Variants in OSBPL5 observed in about 807,000 individuals in gnomAD.
The protein encoded by OSBPL5 is oxysterol-binding protein-related protein 5.
Under a neutral mutation model 111.2 loss-of-function variants are expected in OSBPL5, and 71 were observed. The ratio of observed to expected loss-of-function variants is 0.64; its 90% confidence interval spans 0.53 to 0.78. The LOEUF (loss-of-function observed/expected upper bound fraction) is 0.78, where lower values mean the gene tolerates loss of function less well. Among genes scored for constraint, OSBPL5 ranks in the 30% least tolerant of loss-of-function variants. The probability of loss-of-function intolerance (pLI) is 0.00; values close to 1 mark genes in which losing one functional copy is unlikely to be tolerated. For missense variants in OSBPL5, 1,210 were observed against 1,189.3 expected, an observed-to-expected ratio of 1.02 and a Z score of -0.26; for synonymous variants, 549 against 513.9, an observed-to-expected ratio of 1.07 and a Z score of -0.93.
Position 3,092,409 on chromosome 11 carries a change from G to C in OSBPL5, c.2259+23C>G, listed in dbSNP as rs1857092179. The C allele has an allele frequency of 1.3e-6, 2 of 1,562,244 alleles. No individual in the cohort carries two copies. Among genetic ancestry groups the C allele is most frequent in the South Asian group, 1.2e-5 (1 of 85,156 alleles). On this transcript the variant is annotated intron_variant, in intron 19 of 21. Coordinates refer to ENST00000263650, the MANE Select transcript of OSBPL5 (RefSeq NM_020896.4). This position sits in a 1 kb window ranked among gnomAD's most constrained non-coding sequence, Gnocchi z 5.4. ...ACACGTGCAGCTAAGACCAGCCCTGGGTGGGGCCTGTGGGGTGCTGACCTC... is the reference window on the plus strand; with the variant it reads ...ACACGTGCAGCTAAGACCAGCCCTGCGTGGGGCCTGTGGGGTGCTGACCTC...
At chr11:3,091,417 G>A (rs1857051001) in intron 19 of OSBPL5, among the ~76,000 whole-genome samples, 1 of 152,302 alleles carries the variant, frequency 6.6e-6, no homozygotes, top group South Asian at 2.1e-4. Flanking sequence ...GGCGGGGCAG[G>A]TGGGTTTGGC....
chr11:3,091,668 G>A (rs1342540702), intron 19 of OSBPL5, among the ~76,000 whole-genome samples: 1 of 152,156 alleles, frequency 6.6e-6, no homozygotes, highest in African/African-American at 2.4e-5. Context: ...GGGTGCATCT[G>A]TCTACCTTCC....
At chr11:3,094,367 C>T in intron 14 of OSBPL5, 33 bp from the exon 15 acceptor site, 2 of 1,587,584 alleles carry the variant, frequency 1.3e-6, no homozygotes, top group Non-Finnish European at 1.7e-6. Context: ...GGCCAGGCGG[C>T]CCCAGCCCTG....
At position 3,103,093 on chromosome 11, in the gene OSBPL5, G is replaced by T; in HGVS notation, c.1326+146C>A. Reference sequence around the variant, plus strand: ...CCCTGTCCCCCATCACCAAGGACCTGGGCCCTCTGTGGGGGTGACCAGGAT... The same window carrying T: ...CCCTGTCCCCCATCACCAAGGACCTTGGCCCTCTGTGGGGGTGACCAGGAT... On this transcript the variant is annotated intron_variant, in intron 11 of 21. Coordinates refer to ENST00000263650, the MANE Select transcript of OSBPL5 (RefSeq NM_020896.4). 3 of 648,210 alleles carry T rather than the reference G, an allele frequency of 4.6e-6. No homozygotes were observed. In the South Asian group the frequency reaches 6.6e-5, roughly 14 times the overall value. The allele number at this position is 648,210 out of a possible 1,614,324, so 40.2% of individuals were successfully genotyped here. A position where few individuals can be genotyped will look rare whatever the true frequency, so the allele number is the denominator to read the frequency against.
chr11:3,151,369 G>C (rs1265676736), intron 1 of OSBPL5, among the ~76,000 whole-genome samples: 1 of 152,134 alleles, frequency 6.6e-6, no homozygotes, highest in Non-Finnish European at 1.5e-5. Flanking sequence ...AGCAGGGAAG[G>C]GCCTGGCCAA....
chr11:3,139,354 G>A (rs1211766897), intron 1 of OSBPL5, among the ~76,000 whole-genome samples: 1 of 152,210 alleles, frequency 6.6e-6, no homozygotes, highest in African/African-American at 2.4e-5. Context: ...AGCTCTGAAG[G>A]TGCTGGCTGT....
At chr11:3,132,065 C>T (rs532270423) in intron 1 of OSBPL5, among the ~76,000 whole-genome samples, 1 of 150,352 alleles carries the variant, frequency 6.7e-6, no homozygotes, top group African/African-American at 2.4e-5. Flanking sequence ...ACCCACCTGC[C>T]ACCCCTCTAT....
chr11:3,120,704 C>A, intron 5 of OSBPL5, 80 bp from the exon 6 acceptor site: 1 of 1,511,318 alleles, frequency 6.6e-7, no homozygotes, highest in South Asian at 1.2e-5. Context: ...GGCGGGGAGC[C>A]AGGCACAGAC....
chr11:3,098,535 C>T (rs541164245), intron 14 of OSBPL5, among the ~76,000 whole-genome samples: 87 of 91,142 alleles, frequency 9.5e-4, no homozygotes, highest in Non-Finnish European at 1.4e-3. Flanking sequence ...GATGGAGTTT[C>T]GCTCTTGTTG....
In OSBPL5 at chr11:3,121,061, C is replaced by CTGTTT. The variant is rs1858395392; in HGVS notation, c.403-438_403-437insAAACA. 7.7e-6 allele frequency among the ~76,000 whole-genome samples: 1 copy of CTGTTT among 130,360 alleles called. No individual in the cohort carries two copies. Among genetic ancestry groups the CTGTTT allele is most frequent in the Non-Finnish European group, 1.6e-5 (1 of 62,462 alleles). The allele number at this position is 130,360 out of a possible 152,430, so 85.5% of individuals were successfully genotyped here. A position where few individuals can be genotyped will look rare whatever the true frequency, so the allele number is the denominator to read the frequency against. On this transcript the variant is annotated intron_variant, in intron 5 of 21. Coordinates refer to ENST00000263650, the MANE Select transcript of OSBPL5 (RefSeq NM_020896.4). The surrounding 1 kb of genome is among the most constrained non-coding windows in gnomAD (Gnocchi z 4.3). ...CTTGTAACTGGCAGCTTTGTAGATT[C>CTGTTT]TTTTTTTTTTTTTTTTTGAGACAGA...
chr11:3,100,605 C>A lies in OSBPL5; in HGVS notation c.1523-349G>T, dbSNP rs532583502. On this transcript the variant is annotated intron_variant, in intron 13 of 21. Coordinates refer to ENST00000263650, the MANE Select transcript of OSBPL5 (RefSeq NM_020896.4). ...ACATCCCTGTGGAGGGAGTACGCCT[C>A]GCTTGGGGCCACGAGTCGCAGGTAC... Among the ~76,000 whole-genome samples the A allele has an allele frequency of 3.3e-5, 5 of 152,248 alleles. No homozygotes were observed. The South Asian group carries it at 1.0e-3, about 32-fold the overall frequency.
At chr11:3,101,342 C>G (rs538291745) in intron 13 of OSBPL5, among the ~76,000 whole-genome samples, 1 of 152,142 alleles carries the variant, frequency 6.6e-6, no homozygotes, top group African/African-American at 2.4e-5. Flanking sequence ...AGCCCCAGTC[C>G]GCACCTTTCC....
rs34351257 is a variant in OSBPL5, at chr11:3,121,061, CTTTTTT to C, written c.403-443_403-438del. On this transcript the variant is annotated intron_variant, in intron 5 of 21. Transcript: ENST00000263650. The surrounding 1 kb of genome is among the most constrained non-coding windows in gnomAD (Gnocchi z 4.3). ...CTTGTAACTGGCAGCTTTGTAGATT[CTTTTTT>C]TTTTTTTTTTTGAGACAGAGTCTCT... Among the ~76,000 whole-genome samples, 2 of 130,360 alleles carry C rather than the reference CTTTTTT, an allele frequency of 1.5e-5. No homozygotes were observed. Among genetic ancestry groups the C allele is most frequent in the South Asian group, 2.5e-4 (1 of 4,022 alleles). 85.5% of individuals were successfully genotyped at this position (130,360 alleles called of 152,430 possible). A position where few individuals can be genotyped will look rare whatever the true frequency, so the allele number is the denominator to read the frequency against.
intron 7 of OSBPL5, among the ~76,000 whole-genome samples, chr11:3,111,536 T>C (rs553658055): frequency 1.3e-5 from 2 of 152,330 alleles, no homozygotes; most frequent in South Asian, 4.1e-4. Flanking sequence ...TTTGTTTCGC[T>C]TAACTGTTTT....
intron 15 of OSBPL5, 60 bp from the exon 16 acceptor site, chr11:3,093,895 ATCCT>A: frequency 6.5e-7 from 1 of 1,544,756 alleles, no homozygotes; most frequent in Non-Finnish European, 8.7e-7. Context: ...CCAGAATCAC[ATCCT>A]CATGGGGGCA....
In OSBPL5 at chr11:3,105,512, G is replaced by A. The variant is rs925279780; in HGVS notation, c.1060-1135C>T. Among the ~76,000 whole-genome samples, 4 of 152,212 alleles carry A rather than the reference G, an allele frequency of 2.6e-5. No homozygotes were observed. The highest frequency in any genetic ancestry group is 3.4e-3 in the Middle Eastern group (1 of 294). ...CTGTCAGGAATCCTGCTCTGTCCAT[G>A]TGCTCCCGTCCCGTCCTCCTTAACC... On this transcript the variant is annotated intron_variant, in intron 9 of 21. Coordinates refer to ENST00000263650, the MANE Select transcript of OSBPL5 (RefSeq NM_020896.4). The surrounding 1 kb of genome is among the most constrained non-coding windows in gnomAD (Gnocchi z 5.2).
intron 1 of OSBPL5, among the ~76,000 whole-genome samples, chr11:3,157,938 C>T (rs1348373261): frequency 6.6e-6 from 1 of 152,230 alleles, no homozygotes; most frequent in African/African-American, 2.4e-5. Context: ...GCCAAGCACC[C>T]TTGGGTGCCA....
At chr11:3,135,183 G>C (rs1845915828) in intron 1 of OSBPL5, among the ~76,000 whole-genome samples, 1 of 152,260 alleles carries the variant, frequency 6.6e-6, no homozygotes, top group African/African-American at 2.4e-5. Flanking sequence ...TTTGGCCTGG[G>C]TGGGTTCCCC....
chr11:3,126,242 G>A lies in OSBPL5; in HGVS notation c.219+231C>T, dbSNP rs1858619678. Among the ~76,000 whole-genome samples the A allele has an allele frequency of 6.6e-6, 1 of 152,178 alleles. No homozygotes were observed. The highest frequency in any genetic ancestry group is 1.5e-5 in the Non-Finnish European group (1 of 68,038). ...TGAAAACTGATAGTCAAATACACGT[G>A]CACACATGTTCACGGAAGCATTTTT... is the stretch of plus-strand genomic sequence containing the variant. On this transcript the variant is annotated intron_variant, in intron 3 of 21. Coordinates refer to ENST00000263650, the MANE Select transcript of OSBPL5 (RefSeq NM_020896.4). The surrounding 1 kb of genome is among the most constrained non-coding windows in gnomAD (Gnocchi z 6.5).
Sources: allele counts gnomAD v4.1 joint callset (sites outside exome capture counted in the v4.1 genomes callset), GRCh38; gene constraint gnomAD v4.1.1; non-coding constraint Gnocchi (gnomAD v3.1); transcripts MANE v1.5; gene names NCBI Gene and HGNC (gene_info 2026-07-23, HGNC 2026-07-21).